Variants in TLE4 observed in about 807,000 individuals in gnomAD.
TLE4 encodes TLE family member 4, transcriptional corepressor.
TLE4 carries 8 observed loss-of-function variants against 92.8 expected under a neutral mutation model. The ratio of observed to expected loss-of-function variants is 0.09; its 90% CI spans 0.05 to 0.16. The LOEUF is 0.16. Ranked by LOEUF, TLE4 falls within the 10% of genes least tolerant of loss-of-function variation. TLE4 has a pLI of 1.00. For synonymous variants in TLE4, 371 were observed against 374.1 expected (o/e 0.99, Z 0.10); for missense variants, 675 against 997.6 (o/e 0.68, Z 4.36).
chr9:79,577,663 T>C (rs1043004496), intron 4 of TLE4, among the ~76,000 whole-genome samples: 1 of 152,174 alleles, frequency 6.6e-6, no homozygotes, highest in Non-Finnish European at 1.5e-5. Flanking sequence ...GGATCTTGTG[T>C]ATGTCTCTTT....
intron 6 of TLE4, among the ~76,000 whole-genome samples, chr9:79,628,748 G>A (rs547893641): frequency 6.6e-6 from 1 of 152,240 alleles, no homozygotes; most frequent in East Asian, 1.9e-4. Context: ...TTTGTGTGAT[G>A]GGCAGGGGAA....
At chr9:79,711,331 T>TGAC (rs2073231838) in intron 14 of TLE4, among the ~76,000 whole-genome samples, 1 of 151,758 alleles carries the variant, frequency 6.6e-6, no homozygotes, top group Admixed American at 6.6e-5. Context: ...CAAATAGTTG[T>TGAC]TGACTAACAA....
chr9:79,634,383 A>G (rs1454076445), intron 6 of TLE4, among the ~76,000 whole-genome samples: 1 of 152,246 alleles, frequency 6.6e-6, no homozygotes, highest in Non-Finnish European at 1.5e-5. Flanking sequence ...AAACATAAGA[A>G]TGAAGCAGCA....
At chr9:79,617,761 TG>T in intron 5 of TLE4, among the ~76,000 whole-genome samples, 1 of 151,652 alleles carries the variant, frequency 6.6e-6, no homozygotes, top group South Asian at 2.1e-4. Context: ...TGAGGATTCG[TG>T]ACAGTGTAAA....
At chr9:79,696,501 A>ATTTC (rs530921763) in intron 8 of TLE4, among the ~76,000 whole-genome samples, 430 of 152,192 alleles carry the variant, frequency 2.8e-3, no homozygotes, top group Non-Finnish European at 4.9e-3. Context: ...ATATATTGTC[A>ATTTC]TTTCTTTCTT....
chr9:79,652,568 A>G, intron 6 of TLE4, 25 bp from the exon 7 acceptor site: 1 of 1,613,386 alleles, frequency 6.2e-7, no homozygotes, highest in African/African-American at 1.3e-5. Flanking sequence ...CAAATTCAAT[A>G]TCTGTGTTTA....
intron 14 of TLE4, among the ~76,000 whole-genome samples, chr9:79,710,856 A>G (rs953146393): frequency 1.3e-5 from 2 of 152,150 alleles, no homozygotes; most frequent in South Asian, 4.1e-4. Context: ...TCTGCTATTC[A>G]GTTATAGAAG....
chr9:79,614,640 C>CT (rs2049093106), intron 5 of TLE4, among the ~76,000 whole-genome samples: 1 of 152,168 alleles, frequency 6.6e-6, no homozygotes, highest in African/African-American at 2.4e-5. Flanking sequence ...TTCCCAAATA[C>CT]TTTGACATTT....
At chr9:79,635,485 A>G (rs995176132) in intron 6 of TLE4, among the ~76,000 whole-genome samples, 2 of 149,024 alleles carry the variant, frequency 1.3e-5, no homozygotes, top group Non-Finnish European at 1.5e-5. Flanking sequence ...CAAACATGTT[A>G]TTCTGGGGTT....
At chr9:79,678,042 A>C (rs1293143217) in intron 8 of TLE4, among the ~76,000 whole-genome samples, 1 of 152,132 alleles carries the variant, frequency 6.6e-6, no homozygotes, top group African/African-American at 2.4e-5. Flanking sequence ...TTGCTAAACA[A>C]ATTCAGTACG....
At chr9:79,696,262 T>TA (rs1245797389) in intron 8 of TLE4, among the ~76,000 whole-genome samples, 1 of 152,152 alleles carries the variant, frequency 6.6e-6, no homozygotes, top group Admixed American at 6.5e-5. Flanking sequence ...GTTATACATT[T>TA]AAAAAAATCT....
rs73457229 is a variant in TLE4 at position 79,581,042 on chromosome 9, A to G, written c.252+4865A>G. On this transcript the variant is annotated intron_variant, in intron 4 of 19. Transcript: ENST00000376552. ...ATTAAGGTTTAAAGCCACCTTTTCT[A>G]ATTTAAGATTATTTACACGCTGATA... 7.1e-3 allele frequency among the ~76,000 whole-genome samples: 1,076 copies of G among 152,246 alleles called. 9 individuals carry two copies. Among genetic ancestry groups the G allele is most frequent in the African/African-American group, 0.024 (1,000 of 41,534 alleles).
chr9:79,678,598 A>G (rs1167743049), intron 8 of TLE4, among the ~76,000 whole-genome samples: 1 of 147,668 alleles, frequency 6.8e-6, no homozygotes, highest in Non-Finnish European at 1.5e-5. Context: ...AGTTTAAGGA[A>G]GTACTTTATT....
chr9:79,711,425 A>G lies in TLE4; in HGVS notation c.1340+1726A>G, dbSNP rs77744658. ...CAATGCTAAATAACAAGGTTATACAATTAATCAAATAATGACTCAGATACC... is the reference window on the plus strand; with the variant it reads ...CAATGCTAAATAACAAGGTTATACAGTTAATCAAATAATGACTCAGATACC... On this transcript the variant is annotated intron_variant, in intron 14 of 19. Transcript: ENST00000376552. Among the ~76,000 whole-genome samples the G allele has an allele frequency of 1.8e-4, 27 of 152,360 alleles. No individual in the cohort carries two copies. The East Asian group carries it at 4.4e-3, about 25-fold the overall frequency.
chr9:79,619,546 A>G (rs1160791856), intron 5 of TLE4, among the ~76,000 whole-genome samples: 1 of 152,202 alleles, frequency 6.6e-6, no homozygotes, highest in East Asian at 1.9e-4. Context: ...CGAGGAATCA[A>G]TGGCTTGTGA....
chr9:79,723,175 C>G (rs2075904975), intron 19 of TLE4, 140 bp downstream of exon 19: 1 of 783,964 alleles, frequency 1.3e-6, no homozygotes, highest in Admixed American at 2.6e-5. Flanking sequence ...GAAACTGTGT[C>G]CAAGGAGAGG....
intron 6 of TLE4, among the ~76,000 whole-genome samples, chr9:79,644,314 A>C (rs2057725239): frequency 6.6e-6 from 1 of 152,058 alleles, no homozygotes; most frequent in African/African-American, 2.4e-5. Flanking sequence ...GCCGTGCTTA[A>C]CTGTGAGTCA....
Position 79,652,699 on chromosome 9 carries a change from G to C in TLE4, c.497G>C (p.Ser166Thr), listed in dbSNP as rs2059213246. Reference protein sequence around the residue: ...QPPAIPPIGSSAGLLALSSAL... With the variant: ...QPPAIPPIGSTAGLLALSSAL... ...CCTGCCATTCCACCCATCGGTAGCA[G>C]TGCCGGGCTTCTGGCCCTCTCCAGT... Residue 166 changes from serine to threonine, a missense_variant, in exon 7 of 20, where the codon AGT (serine) becomes ACT (threonine). Physicochemically the swap from Ser to Thr is moderately conservative, Grantham distance 58. Around this residue, in one of 5 missense-constraint regions of TLE4, gnomAD observed 280 missense variants for 287.3 expected, o/e 0.97. Transcript: ENST00000376552. 2 of 1,614,166 alleles carry C rather than the reference G, an allele frequency of 1.2e-6. No individual in the cohort carries two copies. Among genetic ancestry groups the C allele is most frequent in the Non-Finnish European group, 1.7e-6 (2 of 1,180,030 alleles).
chr9:79,722,928 C>T (rs1455460524), intron 18 of TLE4, 31 bp from the exon 19 acceptor site: 2 of 1,602,782 alleles, frequency 1.2e-6, no homozygotes, highest in East Asian at 2.2e-5. Context: ...GTAACACAAA[C>T]ATTGCCTTTT....
Sources: gnomAD v4.1 joint callset for allele counts (sites outside exome capture counted in the v4.1 genomes callset) on GRCh38, gnomAD v4.1.1 for gene constraint, gnomAD v4.1.1 regional missense constraint, MANE v1.5 for transcripts, NCBI Gene and HGNC (gene_info 2026-07-23, HGNC 2026-07-21) for gene names.